Variants in ASTN2 observed in about 807,000 individuals in gnomAD.
The protein encoded by ASTN2 is astrotactin-2.
ASTN2 carries 54 observed loss-of-function variants against 139.8 expected under a neutral mutation model. That is an observed-to-expected ratio of 0.39 (90% CI 0.31 to 0.48). The LOEUF is 0.48. ASTN2 is among the 20% of genes least tolerant of loss of function. The pLI is 0.95. For synonymous variants in ASTN2, 756 were observed against 719.5 expected (o/e 1.05, Z -0.81); for missense variants, 1,565 against 1,725.1 (o/e 0.91, Z 1.64).
intron 19 of ASTN2, among the ~76,000 whole-genome samples, chr9:116,586,811 TTC>T (rs1854162579): frequency 5.6e-5 from 1 of 17,922 alleles, no homozygotes; most frequent in Non-Finnish European, 1.1e-4. Context: ...CCAGTTGAAA[TTC>T]ACACACACAC....
intron 4 of ASTN2, among the ~76,000 whole-genome samples, chr9:117,130,996 G>A (rs2132837479): frequency 6.6e-6 from 1 of 152,296 alleles, no homozygotes; most frequent in South Asian, 2.1e-4. Flanking sequence ...ATGGGAAATT[G>A]TAAAGCTTCT....
chr9:117,385,347 C>T (rs947200903), intron 1 of ASTN2, among the ~76,000 whole-genome samples: 14 of 152,042 alleles, frequency 9.2e-5, no homozygotes, highest in Admixed American at 2.6e-4. Context: ...CTCAGGAAAC[C>T]ATACAGTGTT....
chr9:116,510,386 T>C (rs184012861), intron 19 of ASTN2, among the ~76,000 whole-genome samples: 1 of 152,270 alleles, frequency 6.6e-6, no homozygotes, highest in Non-Finnish European at 1.5e-5. Context: ...ACAAGTACCA[T>C]GCTGTTTTGG....
At chr9:117,070,957 GT>G in intron 5 of ASTN2, among the ~76,000 whole-genome samples, 1 of 147,828 alleles carries the variant, frequency 6.8e-6, no homozygotes, top group Non-Finnish European at 1.5e-5. Context: ...TGGTTTGAAT[GT>G]CCTCCCGTAG....
intron 10 of ASTN2, among the ~76,000 whole-genome samples, chr9:116,949,967 G>A (rs1327184809): frequency 1.3e-5 from 2 of 151,364 alleles, no homozygotes; most frequent in African/African-American, 2.4e-5. Context: ...AAACAGCAAA[G>A]TTTTTCTTTT....
intron 2 of ASTN2, among the ~76,000 whole-genome samples, chr9:117,275,640 A>T (rs1380602837): frequency 2.1e-5 from 3 of 140,874 alleles, no homozygotes; most frequent in African/African-American, 8.0e-5. Context: ...ATCTTGGCTC[A>T]CTGCAACCTC....
intron 5 of ASTN2, among the ~76,000 whole-genome samples, chr9:117,081,257 G>C (rs1285608072): frequency 6.6e-6 from 1 of 152,172 alleles, no homozygotes; most frequent in Non-Finnish European, 1.5e-5. Flanking sequence ...ATGCCCCTGG[G>C]CTGTGGCATC....
chr9:117,022,165 AAC>A (rs1837903667), intron 6 of ASTN2, among the ~76,000 whole-genome samples: 2 of 152,144 alleles, frequency 1.3e-5, no homozygotes, highest in Non-Finnish European at 2.9e-5. Context: ...CATAAACAAG[AAC>A]ACACAACTCC....
chr9:117,078,482 A>C (rs1285135381), intron 5 of ASTN2, among the ~76,000 whole-genome samples: 1 of 152,228 alleles, frequency 6.6e-6, no homozygotes, highest in East Asian at 1.9e-4. Flanking sequence ...TAAAAAATAA[A>C]AACAAAAATA....
At chr9:117,291,806 G>A (rs1316804727) in intron 1 of ASTN2, among the ~76,000 whole-genome samples, 1 of 152,224 alleles carries the variant, frequency 6.6e-6, no homozygotes. Flanking sequence ...TACTCTGATA[G>A]TGGAATGAAA....
At chr9:116,890,967 C>T (rs2132387941) in intron 10 of ASTN2, among the ~76,000 whole-genome samples, 1 of 152,128 alleles carries the variant, frequency 6.6e-6, no homozygotes, top group East Asian at 1.9e-4. Flanking sequence ...GAATTAAGCT[C>T]TCTGTTAGGC....
rs193235345 is a variant in ASTN2, at chr9:117,174,411, G to C, written c.1016-32933C>G. On this transcript the variant is annotated intron_variant, in intron 3 of 22. Coordinates refer to ENST00000313400, the MANE Select transcript of ASTN2 (RefSeq NM_001365068.1). ...AGCCATATAAATATTTGAACCAATA[G>C]TCAGAAATTACCATCTAACAAATAG... Among the ~76,000 whole-genome samples, 28 of 152,012 alleles carry C rather than the reference G, an allele frequency of 1.8e-4. No individual in the cohort carries two copies. The East Asian group carries it at 5.2e-3, about 28-fold the overall frequency.
chr9:117,226,484 G>A (rs986565729), intron 2 of ASTN2, among the ~76,000 whole-genome samples: 13 of 152,150 alleles, frequency 8.5e-5, no homozygotes, highest in African/African-American at 3.1e-4. Context: ...TTCTGGCAGA[G>A]GAAAAACATA....
intron 3 of ASTN2, among the ~76,000 whole-genome samples, chr9:117,173,694 G>C (rs560162654): frequency 6.6e-6 from 1 of 152,000 alleles, no homozygotes; most frequent in African/African-American, 2.4e-5. Flanking sequence ...CAAAACTTGA[G>C]GTCTAGAGAT....
At chr9:117,080,969 G>A (rs753693056) in intron 5 of ASTN2, among the ~76,000 whole-genome samples, 1 of 152,196 alleles carries the variant, frequency 6.6e-6, no homozygotes, top group African/African-American at 2.4e-5. Flanking sequence ...TGGATAGAGA[G>A]CCAAGGGGAC....
At chr9:117,008,008 G>A in intron 7 of ASTN2, 84 bp downstream of exon 7, 1 of 1,392,040 alleles carries the variant, frequency 7.2e-7, no homozygotes, top group East Asian at 2.6e-5. Context: ...CAGAATCCAT[G>A]GTTCTTTAGG....
intron 13 of ASTN2, among the ~76,000 whole-genome samples, chr9:116,745,392 G>A (rs1031919384): frequency 3.9e-5 from 6 of 152,118 alleles, no homozygotes; most frequent in African/African-American, 1.4e-4. Context: ...GCGCTCTCTC[G>A]TAGACTTCCC....
intron 2 of ASTN2, among the ~76,000 whole-genome samples, chr9:117,222,819 A>G (rs1293528514): frequency 1.3e-5 from 2 of 151,994 alleles, no homozygotes; most frequent in South Asian, 2.1e-4. Context: ...CTTGTATTAG[A>G]GTTGTTGATG....
chr9:116,429,816 G>A (rs1031790105), intron 22 of ASTN2, among the ~76,000 whole-genome samples: 1 of 152,188 alleles, frequency 6.6e-6, no homozygotes, highest in East Asian at 1.9e-4. Flanking sequence ...TACGTATGCT[G>A]TTCTGGGAAT....
Sources: allele counts gnomAD v4.1 joint callset (sites outside exome capture counted in the v4.1 genomes callset), GRCh38; gene constraint gnomAD v4.1.1; transcripts MANE v1.5; gene names NCBI Gene and HGNC (gene_info 2026-07-23, HGNC 2026-07-21).